TUSC3: variants seen among roughly 807,000 people sequenced by gnomAD.
TUSC3 encodes the protein tumor suppressor candidate 3.
Under a neutral mutation model 44.8 loss-of-function variants are expected in TUSC3, and 45 were observed. That is an observed-to-expected ratio of 1.00 (90% CI 0.79 to 1.29). The LOEUF (loss-of-function observed/expected upper bound fraction) is 1.29. Ranked by LOEUF, TUSC3 falls within the 50% of genes most tolerant of loss-of-function variation. TUSC3 has a pLI of 0.00. For synonymous variants in TUSC3, 212 were observed against 152.9 expected, an observed-to-expected ratio of 1.39 and a Z score of -2.85; for missense variants, 519 against 437.9, an observed-to-expected ratio of 1.19 and a Z score of -1.65.
intron 2 of TUSC3, among the ~76,000 whole-genome samples, chr8:15,513,232 A>G (rs1329638948): frequency 2.6e-5 from 4 of 152,022 alleles, no homozygotes; most frequent in Admixed American, 2.6e-4. Context: ...CAAATGTAGT[A>G]TAATTGCTGT....
chr8:15,602,392 A>C (rs570445407), intron 1 of TUSC3, among the ~76,000 whole-genome samples: 1 of 151,822 alleles, frequency 6.6e-6, no homozygotes, highest in South Asian at 2.1e-4. Flanking sequence ...AAAAATACTA[A>C]ATAAGTTTTA....
chr8:15,836,384 G>A, the TUSC3 span, among the ~76,000 whole-genome samples: 1 of 150,910 alleles, frequency 6.6e-6, no homozygotes, highest in African/African-American at 2.4e-5. Flanking sequence ...TGCTGAGGCA[G>A]CAGAATCCCT....
At chr8:15,676,435 G>T (rs1388091246) in intron 6 of TUSC3, among the ~76,000 whole-genome samples, 1 of 152,130 alleles carries the variant, frequency 6.6e-6, no homozygotes. Flanking sequence ...TTTTTAGTCT[G>T]TTGATAGTTT....
intron 5 of TUSC3, among the ~76,000 whole-genome samples, chr8:15,664,003 C>G (rs546467834): frequency 6.6e-6 from 1 of 151,930 alleles, no homozygotes; most frequent in South Asian, 2.1e-4. Context: ...CATTAACATC[C>G]TTACATTATT....
chr8:15,432,760 C>G (rs1169159465), intron 1 of TUSC3, among the ~76,000 whole-genome samples: 1 of 152,034 alleles, frequency 6.6e-6, no homozygotes, highest in Non-Finnish European at 1.5e-5. Context: ...CCCCACACCC[C>G]ACTTAGGTGA....
At position 15,589,126 on chromosome 8, in the gene TUSC3, C is replaced by G. The variant is rs148115494; in HGVS notation, c.139-33954C>G. 5.8e-3 allele frequency among the ~76,000 whole-genome samples: 886 copies of G among 152,260 alleles called. 7 individuals are homozygous for G. Among genetic ancestry groups the G allele is most frequent in the African/African-American group, 0.02 (824 of 41,556 alleles). ...GTCTGTTTGTCAGATACAAATATAGCTACTCCTACACCCTTTTGGTTTCCA... is the reference window on the plus strand; with the variant it reads ...GTCTGTTTGTCAGATACAAATATAGGTACTCCTACACCCTTTTGGTTTCCA... On this transcript the variant is annotated intron_variant, in intron 1 of 10. Coordinates refer to ENST00000503731, the MANE Select transcript of TUSC3 (RefSeq NM_006765.4).
chr8:15,715,322 A>C (rs1314242388), intron 6 of TUSC3, among the ~76,000 whole-genome samples: 1 of 152,160 alleles, frequency 6.6e-6, no homozygotes, highest in Non-Finnish European at 1.5e-5. Flanking sequence ...TTCTGTAATA[A>C]ATTATGTTAC....
chr8:15,484,916 T>G (rs1176644656), intron 2 of TUSC3, among the ~76,000 whole-genome samples: 1 of 152,216 alleles, frequency 6.6e-6, no homozygotes, highest in Non-Finnish European at 1.5e-5. Context: ...TTGAGAAAAC[T>G]ATTTCTTTGT....
intron 1 of TUSC3, among the ~76,000 whole-genome samples, chr8:15,572,354 T>G (rs1802910049): frequency 6.6e-6 from 1 of 152,172 alleles, no homozygotes; most frequent in Non-Finnish European, 1.5e-5. Flanking sequence ...CTTCTGTAGC[T>G]TCCTTTCCTG....
At chr8:15,562,801 C>T (rs1026609149) in intron 1 of TUSC3, among the ~76,000 whole-genome samples, 3 of 152,104 alleles carry the variant, frequency 2.0e-5, no homozygotes, top group African/African-American at 7.2e-5. Context: ...TGCTTTATTC[C>T]AGATCACTAG....
At chr8:15,479,358 C>T (rs573767264) in intron 1 of TUSC3, among the ~76,000 whole-genome samples, 17 of 152,044 alleles carry the variant, frequency 1.1e-4, no homozygotes, top group Non-Finnish European at 1.8e-4. Context: ...TATTTTTGCC[C>T]GTGCCTATGT....
chr8:15,726,326 A>G (rs1176742445), intron 6 of TUSC3, among the ~76,000 whole-genome samples: 1 of 152,328 alleles, frequency 6.6e-6, no homozygotes, highest in Non-Finnish European at 1.5e-5. Flanking sequence ...GTTACTTGAA[A>G]TTAAGAACAT....
intron 2 of TUSC3, among the ~76,000 whole-genome samples, chr8:15,504,402 G>A (rs771024030): frequency 2.0e-4 from 31 of 151,508 alleles, no homozygotes; most frequent in Non-Finnish European, 4.0e-4. Flanking sequence ...CAAAATAGGC[G>A]TAAACACCCA....
At chr8:15,657,395 A>C (rs1194373852) in intron 3 of TUSC3, among the ~76,000 whole-genome samples, 1 of 152,108 alleles carries the variant, frequency 6.6e-6, no homozygotes, top group Non-Finnish European at 1.5e-5. Flanking sequence ...GATTGCTTTT[A>C]AGTTCTGCAT....
At chr8:15,471,254 T>C (rs1800490290) in intron 1 of TUSC3, among the ~76,000 whole-genome samples, 1 of 152,154 alleles carries the variant, frequency 6.6e-6, no homozygotes, top group African/African-American at 2.4e-5. Flanking sequence ...TATTTCAGTG[T>C]TTAGTAGTGG....
At chr8:15,550,782 G>T (rs903660935) in intron 1 of TUSC3, among the ~76,000 whole-genome samples, 1 of 151,134 alleles carries the variant, frequency 6.6e-6, no homozygotes, top group African/African-American at 2.4e-5. Flanking sequence ...AGTGATTCTC[G>T]TGCCTCAGCC....
chr8:15,620,968 A>G (rs540711420), intron 1 of TUSC3, among the ~76,000 whole-genome samples: 2 of 150,604 alleles, frequency 1.3e-5, no homozygotes, highest in South Asian at 2.1e-4. Context: ...AAAGAGTATT[A>G]AAAGATTGTG....
At chr8:15,584,066 G>T (rs142231586) in intron 1 of TUSC3, among the ~76,000 whole-genome samples, 1 of 152,190 alleles carries the variant, frequency 6.6e-6, no homozygotes, top group African/African-American at 2.4e-5. Context: ...ATCAAACACA[G>T]CAGCTTAACT....
intron 6 of TUSC3, among the ~76,000 whole-genome samples, chr8:15,715,636 G>A (rs562528469): frequency 7.9e-5 from 12 of 151,706 alleles, no homozygotes; most frequent in African/African-American, 2.7e-4. Flanking sequence ...GCAGGTAACC[G>A]ATACCACAGA....
Sources: gnomAD v4.1 joint callset for allele counts (sites outside exome capture counted in the v4.1 genomes callset) on GRCh38, gnomAD v4.1.1 for gene constraint, MANE v1.5 for transcripts, NCBI Gene and HGNC (gene_info 2026-07-23, HGNC 2026-07-21) for gene names.